RIOK1: variants seen among roughly 807,000 people sequenced by gnomAD.
RIOK1 encodes RIO kinase 1.
Under a neutral mutation model 73.5 loss-of-function variants are expected in RIOK1, and 66 were observed. That is an observed-to-expected ratio of 0.90 (90% CI 0.74 to 1.10). RIOK1 has a LOEUF of 1.10. Among genes scored for constraint, RIOK1 ranks in the 50% least tolerant of loss-of-function variants. The probability of loss-of-function intolerance (pLI) is 0.00; values close to 1 mark genes in which losing one functional copy is unlikely to be tolerated. For missense variants in RIOK1, 658 were observed against 699.8 expected (o/e 0.94, Z 0.67); for synonymous variants, 224 against 226.8 (o/e 0.99, Z 0.11).
Position 7,389,913 on chromosome 6 carries a change from C to T in RIOK1, c.-90C>T. Reference sequence around the variant, plus strand: ...GAATGGTTTGCAAGGCGGATATCCACGCCAAGGCCTTTGGATCGGCCGTGG... The same window carrying T: ...GAATGGTTTGCAAGGCGGATATCCATGCCAAGGCCTTTGGATCGGCCGTGG... On this transcript the variant is annotated 5_prime_UTR_variant, in exon 1 of 17. It adds an upstream start codon to the 5' untranslated region. Coordinates refer to ENST00000379834, the MANE Select transcript of RIOK1 (RefSeq NM_031480.3). 1 of 1,018,880 alleles carries T rather than the reference C, an allele frequency of 9.8e-7. No homozygotes were observed. The highest frequency in any genetic ancestry group is 1.5e-5 in the South Asian group (1 of 65,412). 63.1% of individuals were successfully genotyped at this position (1,018,880 alleles called of 1,614,324 possible). A position where few individuals can be genotyped will look rare whatever the true frequency, so the allele number is the denominator to read the frequency against.
intron 2 of RIOK1, among the ~76,000 whole-genome samples, chr6:7,393,947 AAGACTGTATTAATG>A (rs1761406186): frequency 6.6e-6 from 1 of 152,216 alleles, no homozygotes; most frequent in Non-Finnish European, 1.5e-5. Flanking sequence ...GTTGTAATGG[AAGACTGTATTAATG>A]AGATAGGAAT....
At chr6:7,392,306 A>T (rs1761361845) in intron 1 of RIOK1, among the ~76,000 whole-genome samples, 1 of 149,058 alleles carries the variant, frequency 6.7e-6, no homozygotes, top group African/African-American at 2.5e-5. Flanking sequence ...CTCTTCTCCC[A>T]GTTTGCCAGT....
rs370266389 is a variant in RIOK1, at chr6:7,398,805, G to A, written c.480+65G>A. 1.0e-4 allele frequency: 138 copies of A among 1,369,006 alleles called. No individual in the cohort carries two copies. The African/African-American group carries it at 1.7e-3, about 17-fold the overall frequency. 84.8% of individuals were successfully genotyped at this position (1,369,006 alleles called of 1,614,324 possible). ...GCATTTCTTCTCTCTTTGAATTGTA[G>A]TTTGCTTTTATCCTTTTTGCTTAAT... On this transcript the variant is annotated intron_variant, in intron 5 of 16. Transcript: ENST00000379834.
intron 1 of RIOK1, among the ~76,000 whole-genome samples, chr6:7,392,043 T>C (rs555391742): frequency 1.4e-4 from 22 of 152,314 alleles, no homozygotes; most frequent in African/African-American, 4.6e-4. Context: ...TTTTATGGTT[T>C]CTGTCCTTTT....
At chr6:7,414,940 C>T (rs1039925460) in intron 16 of RIOK1, among the ~76,000 whole-genome samples, 27 of 152,214 alleles carry the variant, frequency 1.8e-4, no homozygotes, top group African/African-American at 6.0e-4. Context: ...CGTGGTCCAG[C>T]GTCTTCACAC....
chr6:7,409,043 G>T (rs1761820810), intron 12 of RIOK1, among the ~76,000 whole-genome samples: 1 of 146,354 alleles, frequency 6.8e-6, no homozygotes, highest in Non-Finnish European at 1.5e-5. Flanking sequence ...TTATTTTTTT[G>T]ACGGAGTTTC....
intron 3 of RIOK1, 63 bp from the exon 4 acceptor site, chr6:7,396,640 G>A: frequency 3.2e-6 from 3 of 937,512 alleles, no homozygotes; most frequent in South Asian, 3.0e-5. Context: ...ACCCTGTTCA[G>A]CAACTCTGTT....
At chr6:7,400,275 T>G (rs1761577377) in intron 5 of RIOK1, among the ~76,000 whole-genome samples, 2 of 152,328 alleles carry the variant, frequency 1.3e-5, no homozygotes, top group South Asian at 2.1e-4. Context: ...TCTGTTGATT[T>G]TTTTTCAAAG....
At chr6:7,397,251 G>A (rs539869191) in intron 4 of RIOK1, among the ~76,000 whole-genome samples, 46 of 152,276 alleles carry the variant, frequency 3.0e-4, no homozygotes, top group African/African-American at 9.9e-4. Context: ...GCCACAGAGC[G>A]AGACTCCATC....
intron 16 of RIOK1, among the ~76,000 whole-genome samples, chr6:7,415,548 T>C (rs955610811): frequency 2.0e-5 from 3 of 152,244 alleles, no homozygotes; most frequent in Non-Finnish European, 4.4e-5. Flanking sequence ...TAGCATGTGA[T>C]AACTGCTTAG....
At chr6:7,393,887 C>G (rs1475076412) in intron 2 of RIOK1, among the ~76,000 whole-genome samples, 1 of 152,138 alleles carries the variant, frequency 6.6e-6, no homozygotes, top group Non-Finnish European at 1.5e-5. Flanking sequence ...GGGATTAAAC[C>G]TGCTATGGGA....
chr6:7,400,739 A>G (rs1159395360), intron 5 of RIOK1, among the ~76,000 whole-genome samples: 1 of 152,152 alleles, frequency 6.6e-6, no homozygotes, highest in Non-Finnish European at 1.5e-5. Context: ...GACTGGATGA[A>G]CTTGCTAGTT....
At chr6:7,408,072 T>C (rs1024150250) in intron 12 of RIOK1, among the ~76,000 whole-genome samples, 2 of 152,248 alleles carry the variant, frequency 1.3e-5, no homozygotes, top group Non-Finnish European at 2.9e-5. Flanking sequence ...AGTCTCGTTC[T>C]GTTGCCCAGG....
chr6:7,411,644 G>T, intron 14 of RIOK1, 193 bp downstream of exon 14: 1 of 531,760 alleles, frequency 1.9e-6, no homozygotes, highest in Non-Finnish European at 3.3e-6. Context: ...TATGAGAGGA[G>T]GTAACACATT....
At chr6:7,390,112 C>T in intron 1 of RIOK1, 39 bp downstream of exon 1, 1 of 1,525,688 alleles carries the variant, frequency 6.6e-7, no homozygotes, top group Non-Finnish European at 8.9e-7. Context: ...GGGTACGGCT[C>T]TCTCCTTGAC....
rs1171909799 is a variant in RIOK1 at position 7,408,280 on chromosome 6, G to A, written c.1204-2106G>A. 5.9e-5 allele frequency among the ~76,000 whole-genome samples: 9 copies of A among 152,144 alleles called. 1 individual carries two copies. The South Asian group carries it at 1.9e-3, about 32-fold the overall frequency. ...TCGAACTCCTGACCTCAGGAGATCCGCCTGCCTCGGCCTCCCAAAGTGCTG... is the reference window on the plus strand; with the variant it reads ...TCGAACTCCTGACCTCAGGAGATCCACCTGCCTCGGCCTCCCAAAGTGCTG... On this transcript the variant is annotated intron_variant, in intron 12 of 16. Coordinates refer to ENST00000379834, the MANE Select transcript of RIOK1 (RefSeq NM_031480.3).
At chr6:7,406,058 C>T (rs1289384402) in intron 12 of RIOK1, among the ~76,000 whole-genome samples, 2 of 151,128 alleles carry the variant, frequency 1.3e-5, no homozygotes, top group East Asian at 2.0e-4. Flanking sequence ...AACATAGTGG[C>T]GCACTCTTGG....
intron 12 of RIOK1, among the ~76,000 whole-genome samples, chr6:7,408,097 C>G (rs1341916481): frequency 6.6e-6 from 1 of 152,038 alleles, no homozygotes; most frequent in African/African-American, 2.4e-5. Context: ...AGTGCAATGG[C>G]ACAATCTCAG....
At chr6:7,401,925 C>T (rs1397364540) in intron 6 of RIOK1, among the ~76,000 whole-genome samples, 1 of 152,048 alleles carries the variant, frequency 6.6e-6, no homozygotes. Flanking sequence ...GTGATTCACC[C>T]GCCTTGGCCT....
Sources: gnomAD v4.1 joint callset for allele counts (sites outside exome capture counted in the v4.1 genomes callset) on GRCh38, gnomAD v4.1.1 for gene constraint, MANE v1.5 for transcripts, NCBI Gene and HGNC (gene_info 2026-07-23, HGNC 2026-07-21) for gene names.